Variants in RBFOX1 observed in about 807,000 individuals in gnomAD.
RBFOX1 encodes the protein RNA binding protein fox-1 homolog 1.
Under a neutral mutation model 57.7 loss-of-function variants are expected in RBFOX1, and 8 were observed. The ratio of observed to expected loss-of-function variants is 0.14; its 90% confidence interval spans 0.08 to 0.25. The LOEUF (loss-of-function observed/expected upper bound fraction) is 0.25, where lower values mean the gene tolerates loss of function less well. Among genes scored for constraint, RBFOX1 ranks in the 10% least tolerant of loss-of-function variants. RBFOX1 has a pLI of 1.00. For missense variants in RBFOX1, 611 were observed against 548.5 expected (o/e 1.11, Z -1.14); for synonymous variants, 326 against 222.4 (o/e 1.47, Z -4.15).
At chr16:7,510,583 G>A (rs1314701036) in intron 4 of RBFOX1, among the ~76,000 whole-genome samples, 1 of 152,094 alleles carries the variant, frequency 6.6e-6, no homozygotes, top group Non-Finnish European at 1.5e-5. Context: ...GAACCAGCAG[G>A]TTAATGGTGT....
At chr16:6,825,602 G>C (rs1166859139) in intron 3 of RBFOX1, among the ~76,000 whole-genome samples, 2 of 152,082 alleles carry the variant, frequency 1.3e-5, no homozygotes, top group Non-Finnish European at 2.9e-5. Context: ...CTTCCTTTTA[G>C]AAACTGCAAC....
At chr16:7,362,947 G>C (rs2097358061) in intron 4 of RBFOX1, among the ~76,000 whole-genome samples, 1 of 152,150 alleles carries the variant, frequency 6.6e-6, no homozygotes, top group Admixed American at 6.5e-5. Flanking sequence ...CCTTGGACAA[G>C]TCACTTAGCC....
chr16:7,676,889 T>C, intron 14 of RBFOX1, 51 bp downstream of exon 14: 1 of 1,521,806 alleles, frequency 6.6e-7, no homozygotes, highest in Non-Finnish European at 9.1e-7. Context: ...TTAACTTAGT[T>C]GATGGGAGAG....
At chr16:6,598,910 C>G (rs538978576) in intron 2 of RBFOX1, among the ~76,000 whole-genome samples, 2 of 152,252 alleles carry the variant, frequency 1.3e-5, no homozygotes, top group Non-Finnish European at 2.9e-5. Flanking sequence ...TGCGCCACTG[C>G]ACTCCAGCCT....
At chr16:6,152,157 A>G (rs1383978641) in intron 1 of RBFOX1, among the ~76,000 whole-genome samples, 2 of 152,208 alleles carry the variant, frequency 1.3e-5, no homozygotes, top group African/African-American at 2.4e-5. Flanking sequence ...CCTGTGTCAT[A>G]TTAAAATGTA....
intron 3 of RBFOX1, among the ~76,000 whole-genome samples, chr16:6,992,514 T>A (rs902172680): frequency 1.3e-5 from 2 of 152,046 alleles, no homozygotes; most frequent in Non-Finnish European, 2.9e-5. Context: ...GCATCCAGCC[T>A]AGCAATTCCT....
chr16:5,984,976 ATTTTT>A lies in RBFOX1; in HGVS notation c.351+117657_351+117661del, dbSNP rs869160414. 5.9e-3 allele frequency among the ~76,000 whole-genome samples: 330 copies of A among 55,660 alleles called. 2 individuals carry two copies. Among genetic ancestry groups the A allele is most frequent in the African/African-American group, 0.026 (298 of 11,414 alleles). 36.5% of individuals were successfully genotyped at this position (55,660 alleles called of 152,430 possible). A position where few individuals can be genotyped will look rare whatever the true frequency, so the allele number is the denominator to read the frequency against. ...TATATATATATATATATATATATATATTTTTTTTTTTTTTTTTTTTCTTTGAGACA... is the reference window on the plus strand; with the variant it reads ...TATATATATATATATATATATATATATTTTTTTTTTTTTTTCTTTGAGACA... On this transcript the variant is annotated intron_variant, in intron 4 of 19. Coordinates refer to the RBFOX1 transcript ENST00000641259.
chr16:5,933,850 A>G (rs1671570120), intron 4 of RBFOX1, among the ~76,000 whole-genome samples: 1 of 151,274 alleles, frequency 6.6e-6, no homozygotes, highest in South Asian at 2.1e-4. Context: ...ATATAGGTAA[A>G]CTCGAGTGAT....
chr16:6,648,621 C>A (rs1273307389), intron 2 of RBFOX1, among the ~76,000 whole-genome samples: 2 of 152,206 alleles, frequency 1.3e-5, no homozygotes, highest in East Asian at 3.9e-4. Context: ...TAGCATGCAT[C>A]GACGGGCCCT....
chr16:6,450,802 T>TACATAC (rs1567303176), intron 2 of RBFOX1, among the ~76,000 whole-genome samples: 1 of 10,222 alleles, frequency 9.8e-5, no homozygotes, highest in Admixed American at 1.3e-3. Flanking sequence ...TATATATATG[T>TACATAC]ATATATATAT....
intron 3 of RBFOX1, among the ~76,000 whole-genome samples, chr16:5,660,647 T>C (rs2151387950): frequency 6.6e-6 from 1 of 152,344 alleles, no homozygotes; most frequent in African/African-American, 2.4e-5. Flanking sequence ...GCACAGTTCA[T>C]TATTTTTTTT....
chr16:5,961,487 CAAAA>C (rs1421107529), intron 4 of RBFOX1, among the ~76,000 whole-genome samples: 1 of 97,584 alleles, frequency 1.0e-5, no homozygotes, highest in Non-Finnish European at 2.2e-5. Flanking sequence ...TTAAAAAAAA[CAAAA>C]CAAAACAAAA....
intron 1 of RBFOX1, among the ~76,000 whole-genome samples, chr16:6,262,278 C>G (rs933333226): frequency 6.6e-5 from 10 of 152,094 alleles, no homozygotes; most frequent in African/African-American, 1.9e-4. Flanking sequence ...TTTAAGGGTA[C>G]TTCCTGGAAG....
intron 2 of RBFOX1, among the ~76,000 whole-genome samples, chr16:6,511,079 A>G (rs2096246800): frequency 6.6e-6 from 1 of 152,192 alleles, no homozygotes; most frequent in African/African-American, 2.4e-5. Flanking sequence ...CCATTGAGGT[A>G]GCGTGGATCA....
intron 3 of RBFOX1, among the ~76,000 whole-genome samples, chr16:5,748,668 G>A (rs1174013964): frequency 6.6e-6 from 1 of 152,134 alleles, no homozygotes. Flanking sequence ...TTTAAAGTCT[G>A]TTTTATCCGA....
chr16:7,223,137 G>A (rs753104641), intron 4 of RBFOX1, among the ~76,000 whole-genome samples: 1 of 152,186 alleles, frequency 6.6e-6, no homozygotes, highest in Admixed American at 6.5e-5. Context: ...CATCTACAAG[G>A]GTAGAAGGGC....
chr16:5,250,538 C>T (rs1040049656), intron 1 of RBFOX1, among the ~76,000 whole-genome samples: 8 of 152,220 alleles, frequency 5.3e-5, no homozygotes, highest in African/African-American at 1.9e-4. Flanking sequence ...TTTTCTGTTC[C>T]TGTCCACACC....
At chr16:7,045,027 G>C (rs2047426014) in intron 3 of RBFOX1, among the ~76,000 whole-genome samples, 1 of 152,152 alleles carries the variant, frequency 6.6e-6, no homozygotes, top group South Asian at 2.1e-4. Context: ...ATGGGATTCT[G>C]CCGTTTTGTG....
intron 2 of RBFOX1, among the ~76,000 whole-genome samples, chr16:5,484,316 T>C (rs1272031214): frequency 1.3e-5 from 2 of 152,222 alleles, no homozygotes; most frequent in Non-Finnish European, 2.9e-5. Context: ...AGATACTAGT[T>C]TCCTGCCACA....
Sources: gnomAD v4.1 joint callset for allele counts (sites outside exome capture counted in the v4.1 genomes callset) on GRCh38, gnomAD v4.1.1 for gene constraint, MANE v1.5 for transcripts, NCBI Gene and HGNC (gene_info 2026-07-23, HGNC 2026-07-21) for gene names.